The following CACNA1D variants were observed in gnomAD, a reference collection of about 807,000 sequenced individuals.
The protein encoded by CACNA1D is voltage-dependent L-type calcium channel subunit alpha-1D.
A neutral mutation model predicts 257.1 loss-of-function variants in CACNA1D; 55 were observed. That is an observed-to-expected ratio of 0.21 (90% CI 0.17 to 0.27). The LOEUF is 0.27. CACNA1D is among the 10% of genes least tolerant of loss of function. The pLI, the probability that CACNA1D is intolerant of heterozygous loss-of-function variation, is 1.00. For synonymous variants in CACNA1D, 980 were observed against 1,014.9 expected, an observed-to-expected ratio of 0.97 and a Z score of 0.65; for missense variants, 1,876 against 2,784.0, an observed-to-expected ratio of 0.67 and a Z score of 7.34.
At chr3:53,507,541 C>T (rs1575700819) in intron 3 of CACNA1D, among the ~76,000 whole-genome samples, 1 of 151,962 alleles carries the variant, frequency 6.6e-6, no homozygotes, top group South Asian at 2.1e-4. Context: ...TTGCTTGTGC[C>T]TGGGAGGTCA....
intron 31 of CACNA1D, 147 bp downstream of exon 31, chr3:53,770,164 A>G: frequency 1.3e-6 from 1 of 793,732 alleles, no homozygotes; most frequent in Non-Finnish European, 2.2e-6. Flanking sequence ...ATCAGTGTCC[A>G]GTACTCTTGA....
intron 21 of CACNA1D, among the ~76,000 whole-genome samples, chr3:53,742,560 A>G (rs1254228054): frequency 6.6e-6 from 1 of 152,212 alleles, no homozygotes; most frequent in East Asian, 1.9e-4. Context: ...AGGTCCATAG[A>G]GCCTGGGAGC....
chr3:53,624,164 G>T (rs1220533434), intron 3 of CACNA1D, among the ~76,000 whole-genome samples: 1 of 152,224 alleles, frequency 6.6e-6, no homozygotes, highest in Admixed American at 6.5e-5. Flanking sequence ...GAGCCTTTGA[G>T]TGGGGAGGGG....
At position 53,749,339 on chromosome 3, in the gene CACNA1D, C is replaced by T; in HGVS notation, c.3386C>T (p.Ser1129Phe). The T allele has an allele frequency of 6.2e-7, 1 of 1,613,396 alleles. No individual in the cohort carries two copies. The highest frequency in any genetic ancestry group is 8.5e-7 in the Non-Finnish European group (1 of 1,179,324). ...ATCTACAACCACCGCGTGGAGATCTCCATCTTCTTCATCATCTACATCATC... is the reference window on the plus strand; with the variant it reads ...ATCTACAACCACCGCGTGGAGATCTTCATCTTCTTCATCATCTACATCATC... ...GPIYNHRVEI[S>F]IFFIIYIIIV... Residue 1129 changes from serine (S) to phenylalanine (F), a missense_variant, in exon 27 of 48, where the codon TCC (serine) becomes TTC (phenylalanine). This residue lies in a region of CACNA1D where 271 missense variants were observed against 425.5 expected (regional missense o/e 0.64). Coordinates refer to ENST00000350061, the MANE Select transcript of CACNA1D (RefSeq NM_001128840.3).
intron 40 of CACNA1D, among the ~76,000 whole-genome samples, chr3:53,788,574 G>A (rs909186709): frequency 2.0e-5 from 3 of 152,208 alleles, no homozygotes; most frequent in Admixed American, 6.5e-5. Context: ...TGAGGGCAGC[G>A]TGGCCAGGTT....
At position 53,793,351 on chromosome 3, in the gene CACNA1D, G is replaced by A. The variant is rs562405354; in HGVS notation, c.4923+6399G>A. On this transcript the variant is annotated intron_variant, in intron 40 of 47. Transcript: ENST00000350061. The surrounding 1 kb of genome is among the most constrained non-coding windows in gnomAD (Gnocchi z 4.1). ...AAGCCCGTCAGTCCTGTGGGGGTCC[G>A]TCAGTCCCTCTGTCTGTCTTTGACC... 5.3e-5 allele frequency among the ~76,000 whole-genome samples: 8 copies of A among 152,312 alleles called. No individual in the cohort carries two copies. Among genetic ancestry groups the A allele is most frequent in the East Asian group, 1.9e-4 (1 of 5,176 alleles).
chr3:53,766,243 A>T (rs1404967537), intron 30 of CACNA1D: 1 of 152,020 alleles, frequency 6.6e-6, no homozygotes, highest in East Asian at 1.9e-4. Flanking sequence ...TCTTTTTCTG[A>T]CCCCACAGTA....
intron 3 of CACNA1D, among the ~76,000 whole-genome samples, chr3:53,502,584 G>C (rs1005901543): frequency 9.3e-5 from 14 of 151,094 alleles, no homozygotes; most frequent in African/African-American, 2.9e-4. Context: ...AAGAGTACTA[G>C]ACTGGGACTA....
At chr3:53,498,124 A>G (rs1461201309) in intron 2 of CACNA1D, among the ~76,000 whole-genome samples, 1 of 152,144 alleles carries the variant, frequency 6.6e-6, no homozygotes, top group Non-Finnish European at 1.5e-5. Context: ...TTGGAACGTG[A>G]GCATGAGGGA....
chr3:53,526,173 G>A (rs1424834459), intron 3 of CACNA1D, among the ~76,000 whole-genome samples: 3 of 152,212 alleles, frequency 2.0e-5, no homozygotes, highest in East Asian at 3.8e-4. Flanking sequence ...GCAAGGCCAG[G>A]GACGTGTGCA....
At chr3:53,658,230 A>G (rs1365291877) in intron 4 of CACNA1D, among the ~76,000 whole-genome samples, 1 of 151,730 alleles carries the variant, frequency 6.6e-6, no homozygotes, top group African/African-American at 2.4e-5. Context: ...TGAGGAACAG[A>G]ATCACGGAAT....
chr3:53,782,070 A>C, intron 39 of CACNA1D: 1 of 177,090 alleles, frequency 5.6e-6, no homozygotes, highest in Non-Finnish European at 1.2e-5. Flanking sequence ...CTTTCAGGAA[A>C]TTGTATTTTT....
At chr3:53,537,212 C>G (rs750651546) in intron 3 of CACNA1D, among the ~76,000 whole-genome samples, 1 of 152,002 alleles carries the variant, frequency 6.6e-6, no homozygotes, top group African/African-American at 2.4e-5. Flanking sequence ...AATATATATT[C>G]TTTTCAAAAG....
chr3:53,781,919 G>A, intron 39 of CACNA1D: 1 of 490,496 alleles, frequency 2.0e-6, no homozygotes, highest in Non-Finnish European at 3.6e-6. Context: ...TTTTCTTTTT[G>A]GTGGAGGAAT....
chr3:53,747,873 C>T (rs2108856207), intron 26 of CACNA1D, among the ~76,000 whole-genome samples: 1 of 152,338 alleles, frequency 6.6e-6, no homozygotes, highest in South Asian at 2.1e-4. Flanking sequence ...TTACTGAGCA[C>T]CTGCTCGCTC....
At chr3:53,500,532 A>G (rs981566910) in intron 2 of CACNA1D, among the ~76,000 whole-genome samples, 1 of 152,148 alleles carries the variant, frequency 6.6e-6, no homozygotes, top group African/African-American at 2.4e-5. Flanking sequence ...TGAATGGAGA[A>G]TAGTCTGTTC....
At chr3:53,548,372 A>T (rs11920204) in intron 3 of CACNA1D, among the ~76,000 whole-genome samples, 7,636 of 35,046 alleles carry the variant, frequency 0.22, 461 homozygotes, top group African/African-American at 0.44. Flanking sequence ...TTTTTTTTTT[A>T]AAAATTATCT....
chr3:53,563,537 A>G (rs1324573918), intron 3 of CACNA1D, among the ~76,000 whole-genome samples: 1 of 149,558 alleles, frequency 6.7e-6, no homozygotes, highest in Non-Finnish European at 1.5e-5. Context: ...CTGTCTCAAA[A>G]AAAAAAAAAA....
At chr3:53,567,374 T>C (rs1198909968) in intron 3 of CACNA1D, among the ~76,000 whole-genome samples, 1 of 152,266 alleles carries the variant, frequency 6.6e-6, no homozygotes, top group Non-Finnish European at 1.5e-5. Context: ...TCTCAGCTCC[T>C]GTGCTGTTGA....
Sources: allele counts gnomAD v4.1 joint callset (sites outside exome capture counted in the v4.1 genomes callset), GRCh38; gene constraint gnomAD v4.1.1; regional missense constraint gnomAD v4.1.1; non-coding constraint Gnocchi (gnomAD v3.1); transcripts MANE v1.5; gene names NCBI Gene and HGNC (gene_info 2026-07-23, HGNC 2026-07-21).